GRIK2: variants seen among roughly 807,000 people sequenced by gnomAD.
The protein encoded by GRIK2 is glutamate receptor ionotropic, kainate 2.
Under a neutral mutation model 100.3 loss-of-function variants are expected in GRIK2, and 32 were observed. The ratio of observed to expected loss-of-function variants is 0.32; its 90% CI spans 0.24 to 0.43. GRIK2 has a LOEUF of 0.43. Among genes scored for constraint, GRIK2 ranks in the 20% least tolerant of loss-of-function variants. The pLI is 1.00. For synonymous variants in GRIK2, 417 were observed against 389.4 expected (o/e 1.07, Z -0.83); for missense variants, 843 against 1,114.9 (o/e 0.76, Z 3.47).
intron 12 of GRIK2, among the ~76,000 whole-genome samples, chr6:101,912,002 G>A (rs1043332489): frequency 2.0e-5 from 3 of 149,716 alleles, no homozygotes; most frequent in African/African-American, 7.4e-5. Context: ...AAACTTGTGG[G>A]TTATCAATTC....
intron 2 of GRIK2, among the ~76,000 whole-genome samples, chr6:101,583,576 G>T (rs1778207361): frequency 6.6e-6 from 1 of 151,940 alleles, no homozygotes; most frequent in Non-Finnish European, 1.5e-5. Flanking sequence ...TCAGATAGTG[G>T]ACTTGCTACA....
intron 7 of GRIK2, among the ~76,000 whole-genome samples, chr6:101,798,682 C>A (rs1200961769): frequency 6.6e-6 from 1 of 151,894 alleles, no homozygotes; most frequent in Admixed American, 6.6e-5. Flanking sequence ...GAAATATATG[C>A]TTTTATTCTA....
intron 14 of GRIK2, among the ~76,000 whole-genome samples, chr6:101,931,807 A>C (rs1008278844): frequency 2.0e-5 from 3 of 152,154 alleles, no homozygotes; most frequent in African/African-American, 7.2e-5. Flanking sequence ...TGGTATCACC[A>C]ATATGTTCTT....
intron 4 of GRIK2, among the ~76,000 whole-genome samples, chr6:101,643,286 A>G (rs1474981498): frequency 1.3e-5 from 2 of 151,536 alleles, no homozygotes; most frequent in African/African-American, 4.8e-5. Context: ...TCAATAAATC[A>G]TTGCCAAATC....
At chr6:101,896,862 C>T (rs146956532) in intron 12 of GRIK2, among the ~76,000 whole-genome samples, 1 of 151,610 alleles carries the variant, frequency 6.6e-6, no homozygotes, top group African/African-American at 2.4e-5. Context: ...TAATAAGTTA[C>T]AGTTTATGGG....
intron 14 of GRIK2, among the ~76,000 whole-genome samples, chr6:101,942,787 C>T (rs1193929897): frequency 6.6e-6 from 1 of 152,126 alleles, no homozygotes; most frequent in Non-Finnish European, 1.5e-5. Flanking sequence ...GAAATTAGAA[C>T]TTATGTTTGA....
intron 2 of GRIK2, among the ~76,000 whole-genome samples, chr6:101,509,070 A>C (rs149269577): frequency 0.014 from 2,096 of 150,360 alleles, 46 homozygotes; most frequent in African/African-American, 0.049. Context: ...AGTCAGGAGA[A>C]TGGCGTCAAC....
At chr6:101,857,205 T>C (rs573287393) in intron 10 of GRIK2, among the ~76,000 whole-genome samples, 3 of 152,076 alleles carry the variant, frequency 2.0e-5, no homozygotes, top group East Asian at 1.9e-4. Flanking sequence ...TAAATGAAAA[T>C]AGTCTGTAGG....
intron 7 of GRIK2, among the ~76,000 whole-genome samples, chr6:101,769,272 A>T (rs979843310): frequency 6.6e-6 from 1 of 152,226 alleles, no homozygotes; most frequent in Non-Finnish European, 1.5e-5. Flanking sequence ...CATAAATGAA[A>T]GTATCTTTGT....
At chr6:101,584,351 T>G (rs62419653) in intron 2 of GRIK2, among the ~76,000 whole-genome samples, 9,822 of 152,082 alleles carry the variant, frequency 0.065, 385 homozygotes, top group South Asian at 0.12. Flanking sequence ...TAGAGGAAGA[T>G]TTTTCTTCAA....
At chr6:101,916,734 T>G (rs1582528893) in intron 12 of GRIK2, among the ~76,000 whole-genome samples, 1 of 151,804 alleles carries the variant, frequency 6.6e-6, no homozygotes, top group Non-Finnish European at 1.5e-5. Flanking sequence ...AAGTCATTTG[T>G]TACAGTTCAG....
In GRIK2 at chr6:101,862,134, T is replaced by C. The variant is rs538596100; in HGVS notation, c.1524+2641T>C. On this transcript the variant is annotated intron_variant, in intron 11 of 16. Transcript: ENST00000369134. Reference sequence around the variant, plus strand: ...AAGGGTCTGTTCAGATGTGGTTAGATTTTTTGTTTTCTTTCCTGTAATGGA... The same window carrying C: ...AAGGGTCTGTTCAGATGTGGTTAGACTTTTTGTTTTCTTTCCTGTAATGGA... Among the ~76,000 whole-genome samples the C allele has an allele frequency of 3.3e-5, 5 of 152,258 alleles. No individual in the cohort carries two copies. In the South Asian group the frequency reaches 1.0e-3, roughly 32 times the overall value.
intron 14 of GRIK2, among the ~76,000 whole-genome samples, chr6:102,011,508 G>T (rs552435081): frequency 9.8e-4 from 145 of 148,704 alleles, no homozygotes; most frequent in Non-Finnish European, 1.9e-3. Flanking sequence ...ATTGTCTTTT[G>T]CAGAGCAAGG....
At chr6:102,023,344 A>G (rs1358614112) in intron 14 of GRIK2, among the ~76,000 whole-genome samples, 2 of 151,436 alleles carry the variant, frequency 1.3e-5, no homozygotes, top group Admixed American at 6.6e-5. Flanking sequence ...AGGGAGGGGT[A>G]AAAAAAGAAA....
intron 2 of GRIK2, among the ~76,000 whole-genome samples, chr6:101,517,708 A>C (rs1161699103): frequency 6.6e-6 from 1 of 152,172 alleles, no homozygotes; most frequent in African/African-American, 2.4e-5. Context: ...TGCTTTGATT[A>C]CTGAAAATGT....
intron 14 of GRIK2, chr6:101,993,730 T>G (rs1286684428): frequency 6.7e-6 from 1 of 149,742 alleles, no homozygotes; most frequent in Non-Finnish European, 1.5e-5. Context: ...TCTTGAAATA[T>G]AGTTAAATCT....
chr6:101,779,948 C>T (rs1371846661), intron 7 of GRIK2, among the ~76,000 whole-genome samples: 1 of 152,080 alleles, frequency 6.6e-6, no homozygotes, highest in African/African-American at 2.4e-5. Flanking sequence ...TATTGATTTA[C>T]TCCCAACCCC....
At chr6:102,053,554 T>G (rs1016095584) in intron 15 of GRIK2, among the ~76,000 whole-genome samples, 2 of 152,188 alleles carry the variant, frequency 1.3e-5, no homozygotes, top group African/African-American at 4.8e-5. Context: ...TTCAGATGGA[T>G]GGATGTTTCA....
At chr6:102,035,606 C>A in intron 15 of GRIK2, 40 bp downstream of exon 15, 1 of 1,215,612 alleles carries the variant, frequency 8.2e-7, no homozygotes, top group Non-Finnish European at 1.2e-6. Flanking sequence ...GTTCATTAAT[C>A]TGAGTTGCTG....
Sources: allele counts gnomAD v4.1 joint callset (sites outside exome capture counted in the v4.1 genomes callset), GRCh38; gene constraint gnomAD v4.1.1; transcripts MANE v1.5; gene names NCBI Gene and HGNC (gene_info 2026-07-23, HGNC 2026-07-21).